CTNNA2: variants seen among roughly 807,000 people sequenced by gnomAD.
CTNNA2 encodes catenin alpha 2, also known as catenin alpha-2.
A neutral mutation model predicts 101.0 loss-of-function variants in CTNNA2; 42 were observed. That is an observed-to-expected ratio of 0.42 (90% CI 0.32 to 0.54). The LOEUF is 0.54. Ranked by LOEUF, CTNNA2 falls within the 20% of genes least tolerant of loss-of-function variation. CTNNA2 has a pLI of 0.14. For synonymous variants in CTNNA2, 450 were observed against 456.4 expected, an observed-to-expected ratio of 0.99 and a Z score of 0.18; for missense variants, 871 against 1,223.1, an observed-to-expected ratio of 0.71 and a Z score of 4.29.
intron 2 of CTNNA2, among the ~76,000 whole-genome samples, chr2:79,216,153 G>C (rs1422781024): frequency 6.6e-6 from 1 of 152,120 alleles, no homozygotes; most frequent in Non-Finnish European, 1.5e-5. Context: ...TGGCTATTTG[G>C]AACGGCTGTC....
intron 18 of CTNNA2, among the ~76,000 whole-genome samples, chr2:80,624,051 A>AG (rs1039547073): frequency 7.8e-4 from 119 of 152,148 alleles, no homozygotes; most frequent in African/African-American, 2.8e-3. Context: ...TAAACATTCA[A>AG]GAGACCATCC....
At position 80,647,506 on chromosome 2, in the gene CTNNA2, A is replaced by T. The variant is rs180989791; in HGVS notation, c.2575-79A>T. On this transcript the variant is annotated intron_variant, in intron 18 of 18. Transcript: ENST00000402739. The stretch of plus-strand genomic sequence containing the variant: ...ATTTGCACAAGGAAAACATTATTTT[A>T]ACCGTGAAAGTACATCACCATTTTG... The T allele has an allele frequency of 1.9e-4, 229 of 1,181,700 alleles. 1 individual carries two copies. In the East Asian group the frequency reaches 3.6e-3, roughly 19 times the overall value. 73.2% of individuals were successfully genotyped at this position (1,181,700 alleles called of 1,614,324 possible). A position where few individuals can be genotyped will look rare whatever the true frequency, so the allele number is the denominator to read the frequency against.
intron 3 of CTNNA2, among the ~76,000 whole-genome samples, chr2:79,819,493 T>G (rs777569106): frequency 6.6e-6 from 1 of 152,254 alleles, no homozygotes; most frequent in East Asian, 1.9e-4. Flanking sequence ...GCAGAATGAA[T>G]GAATGAATGC....
chr2:80,078,203 A>C (rs1478980207), intron 7 of CTNNA2, among the ~76,000 whole-genome samples: 1 of 152,216 alleles, frequency 6.6e-6, no homozygotes, highest in East Asian at 1.9e-4. Context: ...TTGTAACCAC[A>C]GAACGTTTGC....
chr2:80,146,726 T>TG (rs1431502084), intron 7 of CTNNA2, among the ~76,000 whole-genome samples: 2 of 113,254 alleles, frequency 1.8e-5, no homozygotes, highest in Non-Finnish European at 3.7e-5. Flanking sequence ...TTTTTTTTTT[T>TG]TTTTTTTTTT....
intron 7 of CTNNA2, among the ~76,000 whole-genome samples, chr2:80,158,858 C>A (rs2148940849): frequency 6.6e-6 from 1 of 151,860 alleles, no homozygotes; most frequent in Non-Finnish European, 1.5e-5. Context: ...TTGCAGTGAG[C>A]CGAGATCGTG....
At chr2:80,172,266 T>G (rs557191877) in intron 7 of CTNNA2, among the ~76,000 whole-genome samples, 74 of 152,344 alleles carry the variant, frequency 4.9e-4, no homozygotes, top group African/African-American at 1.5e-3. Context: ...TGAACTGCCT[T>G]GAGCTTTACT....
chr2:80,589,257 T>G (rs1240178514), intron 14 of CTNNA2, 47 bp from the exon 15 acceptor site: 1 of 1,594,056 alleles, frequency 6.3e-7, no homozygotes, highest in Non-Finnish European at 8.6e-7. Context: ...ATACGGTCTG[T>G]ACTTCCTTTG....
chr2:80,468,333 C>A (rs1337587890), intron 9 of CTNNA2, among the ~76,000 whole-genome samples: 1 of 152,170 alleles, frequency 6.6e-6, no homozygotes, highest in African/African-American at 2.4e-5. Flanking sequence ...TGTTTATAAA[C>A]GTGGAGCTAG....
intron 1 of CTNNA2, among the ~76,000 whole-genome samples, chr2:79,647,377 A>G (rs560630929): frequency 6.6e-6 from 1 of 152,362 alleles, no homozygotes; most frequent in African/African-American, 2.4e-5. Context: ...CTTTCTATCC[A>G]TTAAGTTATT....
chr2:79,728,876 A>C (rs1277217763), intron 2 of CTNNA2, among the ~76,000 whole-genome samples: 1 of 152,158 alleles, frequency 6.6e-6, no homozygotes, highest in African/African-American at 2.4e-5. Flanking sequence ...GTCAAAGATC[A>C]GATAGTTGTA....
intron 4 of CTNNA2, among the ~76,000 whole-genome samples, chr2:79,424,199 T>A (rs535914935): frequency 4.6e-5 from 7 of 152,232 alleles, no homozygotes; most frequent in African/African-American, 1.7e-4. Context: ...CTTAGGCATG[T>A]CATTTGCCGT....
chr2:79,938,717 T>G (rs542980836), intron 7 of CTNNA2, among the ~76,000 whole-genome samples: 1 of 152,340 alleles, frequency 6.6e-6, no homozygotes, highest in East Asian at 1.9e-4. Flanking sequence ...TGCCAATTTT[T>G]TTTAAAAGTA....
At chr2:80,149,428 C>T (rs1703555829) in intron 7 of CTNNA2, among the ~76,000 whole-genome samples, 1 of 152,188 alleles carries the variant, frequency 6.6e-6, no homozygotes, top group Non-Finnish European at 1.5e-5. Flanking sequence ...TGTACATACA[C>T]ATGCGCACAC....
chr2:79,422,493 T>C (rs1289647111), intron 4 of CTNNA2, among the ~76,000 whole-genome samples: 1 of 152,138 alleles, frequency 6.6e-6, no homozygotes, highest in East Asian at 1.9e-4. Flanking sequence ...AACTGACAAA[T>C]GTATGCTAGA....
chr2:80,286,418 C>A (rs777088392), intron 7 of CTNNA2, among the ~76,000 whole-genome samples: 1 of 152,084 alleles, frequency 6.6e-6, no homozygotes, highest in Non-Finnish European at 1.5e-5. Flanking sequence ...GTTGTTTTCT[C>A]ACTAACTCAT....
At position 80,452,422 on chromosome 2, in the gene CTNNA2, G is replaced by A. The variant is rs183216771; in HGVS notation, c.1290+32821G>A. 7.9e-5 allele frequency among the ~76,000 whole-genome samples: 12 copies of A among 151,490 alleles called. No individual in the cohort carries two copies. The East Asian group carries it at 1.8e-3, about 22-fold the overall frequency. On this transcript the variant is annotated intron_variant, in intron 9 of 18. Transcript: ENST00000402739. ...ACAGACACGTGGCTGTATTCTAGTC[G>A]GCTGTGTGCCCAATAGTTTTTAACC... is the stretch of plus-strand genomic sequence containing the variant.
rs377387320 is a variant in CTNNA2, at chr2:79,209,430, A to G, written c.-406+11354A>G. Among the ~76,000 whole-genome samples the G allele has an allele frequency of 2.0e-5, 3 of 152,310 alleles. No homozygotes were observed. The East Asian group carries it at 5.8e-4, about 29-fold the overall frequency. ...GCAATTTACTTTCTTTACTCGATAC[A>G]TATTTGTTCTTTTTCTCTTTCTCTT... is the stretch of plus-strand genomic sequence containing the variant. On this transcript the variant is annotated intron_variant, in intron 2 of 21. Coordinates refer to the CTNNA2 transcript ENST00000466387.
At chr2:80,371,599 T>G (rs930845805) in intron 7 of CTNNA2, among the ~76,000 whole-genome samples, 20 of 150,794 alleles carry the variant, frequency 1.3e-4, no homozygotes, top group African/African-American at 3.7e-4. Context: ...TTGAATGAGA[T>G]CATCAATAAA....
Sources: allele counts gnomAD v4.1 joint callset (sites outside exome capture counted in the v4.1 genomes callset), GRCh38; gene constraint gnomAD v4.1.1; transcripts MANE v1.5; gene names NCBI Gene and HGNC (gene_info 2026-07-23, HGNC 2026-07-21).